The following CA13 variants were observed in gnomAD, a reference collection of about 807,000 sequenced individuals.
CA13 encodes CA-XIII.
Under a neutral mutation model 31.5 loss-of-function variants are expected in CA13, and 21 were observed. The ratio of observed to expected loss-of-function variants is 0.67; its 90% confidence interval spans 0.47 to 0.96. The LOEUF (loss-of-function observed/expected upper bound fraction) is 0.96, where lower values mean the gene tolerates loss of function less well. Ranked by LOEUF, CA13 falls within the 40% of genes least tolerant of loss-of-function variation. The pLI, the probability that CA13 is intolerant of heterozygous loss-of-function variation, is 0.00. For missense variants in CA13, 315 were observed against 318.9 expected (o/e 0.99, Z 0.09); for synonymous variants, 117 against 111.4 (o/e 1.05, Z -0.32).
rs767404207 is a variant in CA13, at chr8:85,250,839, G to A, written c.137G>A (p.Arg46Gln). The A allele has an allele frequency of 8.7e-6, 14 of 1,613,560 alleles. No individual in the cohort carries two copies. The highest frequency in any genetic ancestry group is 2.5e-6 in the Non-Finnish European group (3 of 1,179,818). ...TKEVKYDSSL[R>Q]PLSIKYDPSS... is the part of the protein sequence containing the mutation. The stretch of plus-strand genomic sequence containing the variant: ...GAAGTGAAATATGACTCTTCCCTCC[G>A]ACCACTTAGTATCAAGTATGACCCA... Residue 46 changes from arginine (R) to glutamine (Q), a missense_variant, in exon 2 of 7, where the codon CGA becomes CAA. Coordinates refer to ENST00000321764, the MANE Select transcript of CA13 (RefSeq NM_198584.3).
intron 6 of CA13, among the ~76,000 whole-genome samples, chr8:85,281,010 A>C (rs1287162437): frequency 6.6e-6 from 1 of 152,212 alleles, no homozygotes; most frequent in African/African-American, 2.4e-5. Context: ...GCTGGTCTCA[A>C]ATTAAAAATG....
At chr8:85,268,728 G>A (rs1807489737) in intron 6 of CA13, 101 bp downstream of exon 6, 1 of 1,022,322 alleles carries the variant, frequency 9.8e-7, no homozygotes. Flanking sequence ...GTGTTTTGAA[G>A]TCTGTTTTCT....
chr8:85,259,586 G>A (rs1261401918), intron 3 of CA13, 47 bp downstream of exon 3: 2 of 1,493,958 alleles, frequency 1.3e-6, no homozygotes, highest in East Asian at 2.3e-5. Flanking sequence ...CCACATGGTG[G>A]AATTTAAGGG....
rs1464193767 is a variant in CA13, at chr8:85,245,793, A to G, written c.-36A>G. ...CGCTCCCTCCTCTTTCTCGCTGCTC[A>G]GTCACATCTTTCTCTTCCTTCCACC... On this transcript the variant is annotated 5_prime_UTR_variant, in exon 1 of 7. Transcript: ENST00000321764. 1.2e-6 allele frequency: 2 copies of G among 1,612,040 alleles called. No homozygotes were observed. Among genetic ancestry groups the G allele is most frequent in the Non-Finnish European group, 1.7e-6 (2 of 1,178,252 alleles).
chr8:85,255,411 C>G (rs539004413), intron 2 of CA13, among the ~76,000 whole-genome samples: 3 of 152,018 alleles, frequency 2.0e-5, no homozygotes, highest in Non-Finnish European at 4.4e-5. Context: ...TACAGGCGCA[C>G]GTCACCATGC....
At chr8:85,278,887 T>C (rs757531823) in intron 6 of CA13, among the ~76,000 whole-genome samples, 1 of 152,220 alleles carries the variant, frequency 6.6e-6, no homozygotes, top group African/African-American at 2.4e-5. Context: ...ACCCCTCAAG[T>C]TTCTCATCTG....
chr8:85,272,676 T>C (rs1473561316), intron 6 of CA13, among the ~76,000 whole-genome samples: 5 of 152,254 alleles, frequency 3.3e-5, no homozygotes, highest in African/African-American at 2.4e-5. Context: ...CCATTATGAA[T>C]AATAGCAATC....
At chr8:85,281,101 C>T in intron 6 of CA13, 129 bp from the exon 7 acceptor site, 1 of 1,124,254 alleles carries the variant, frequency 8.9e-7, no homozygotes, top group Non-Finnish European at 1.3e-6. Flanking sequence ...TTATATATGA[C>T]ATGTAACAGA....
intron 6 of CA13, among the ~76,000 whole-genome samples, chr8:85,280,142 C>G (rs557932355): frequency 2.0e-5 from 3 of 151,924 alleles, no homozygotes; most frequent in African/African-American, 7.3e-5. Context: ...TAGCTGGGTG[C>G]GGTGGCACGT....
At chr8:85,246,234 T>G (rs1361543410) in intron 1 of CA13, 4 of 466,886 alleles carry the variant, frequency 8.6e-6, no homozygotes, top group Non-Finnish European at 1.6e-5. Flanking sequence ...TTCAGTGAAA[T>G]AAGGACAAGT....
intron 6 of CA13, among the ~76,000 whole-genome samples, chr8:85,273,609 A>G (rs767124957): frequency 3.3e-5 from 5 of 151,958 alleles, no homozygotes; most frequent in African/African-American, 7.2e-5. Flanking sequence ...AGAGCTGGCC[A>G]GAAGACACAT....
chr8:85,280,418 C>T (rs891152079), intron 6 of CA13, among the ~76,000 whole-genome samples: 2 of 152,182 alleles, frequency 1.3e-5, no homozygotes, highest in African/African-American at 2.4e-5. Flanking sequence ...CTCTCCTCTG[C>T]CCCCGTCCTG....
intron 3 of CA13, among the ~76,000 whole-genome samples, chr8:85,263,514 A>T (rs1807414785): frequency 6.6e-6 from 1 of 152,158 alleles, no homozygotes; most frequent in African/African-American, 2.4e-5. Context: ...AGACGAAGAG[A>T]GCTGGACAAA....
At chr8:85,259,059 C>T (rs1193720434) in intron 2 of CA13, among the ~76,000 whole-genome samples, 1 of 152,200 alleles carries the variant, frequency 6.6e-6, no homozygotes, top group Non-Finnish European at 1.5e-5. Context: ...CAAGCTCAAA[C>T]TGGACCTGTC....
In CA13 at chr8:85,281,420, C is replaced by A. The variant is rs1048413416; in HGVS notation, c.*71C>A. ...ACAAAACAAAACAAAGCACAAAAGT[C>A]TCTGCCAACAACTCTTTTGTGGAAT... is the stretch of plus-strand genomic sequence containing the variant. On this transcript the variant is annotated 3_prime_UTR_variant, in exon 7 of 7. Transcript: ENST00000321764. 5 of 1,557,066 alleles carry A rather than the reference C, an allele frequency of 3.2e-6. No individual in the cohort carries two copies. Among genetic ancestry groups the A allele is most frequent in the Non-Finnish European group, 4.4e-6 (5 of 1,143,936 alleles).
chr8:85,252,102 A>T (rs1011540935), intron 2 of CA13, among the ~76,000 whole-genome samples: 2 of 152,096 alleles, frequency 1.3e-5, no homozygotes, highest in African/African-American at 4.8e-5. Flanking sequence ...TACAAAAAAT[A>T]AAAAATTAAT....
At chr8:85,249,937 C>T (rs931723454) in intron 1 of CA13, 3 of 348,424 alleles carry the variant, frequency 8.6e-6, no homozygotes, top group African/African-American at 6.6e-5. Context: ...TTCAATTTCC[C>T]TAACATGTCT....
At chr8:85,257,552 C>T (rs1455837197) in intron 2 of CA13, among the ~76,000 whole-genome samples, 2 of 150,984 alleles carry the variant, frequency 1.3e-5, no homozygotes, top group Non-Finnish European at 3.0e-5. Context: ...GAAACCCCAT[C>T]CCTGCAAAAA....
At position 85,269,657 on chromosome 8, in the gene CA13, A is replaced by T. The variant is rs1807502057; in HGVS notation, c.669+1030A>T. On this transcript the variant is annotated intron_variant, in intron 6 of 6. Transcript: ENST00000321764. Reference sequence around the variant, plus strand: ...GTAGGGAGGTTCTTTCTGTGTAGACATCTACTCACTCATTCTTCTGTTAAA... The same window carrying T: ...GTAGGGAGGTTCTTTCTGTGTAGACTTCTACTCACTCATTCTTCTGTTAAA... Among the ~76,000 whole-genome samples, 4 of 152,284 alleles carry T rather than the reference A, an allele frequency of 2.6e-5. No individual in the cohort carries two copies. The South Asian group carries it at 6.2e-4, about 24-fold the overall frequency.
Sources: allele counts gnomAD v4.1 joint callset (sites outside exome capture counted in the v4.1 genomes callset), GRCh38; gene constraint gnomAD v4.1.1; transcripts MANE v1.5; gene names NCBI Gene and HGNC (gene_info 2026-07-23, HGNC 2026-07-21).